Variants in SLC9B2 observed in about 807,000 individuals in gnomAD.
SLC9B2 encodes solute carrier family 9 member B2, also known as sodium/hydrogen exchanger 9B2.
Under a neutral mutation model 52.2 loss-of-function variants are expected in SLC9B2, and 39 were observed. The observed-to-expected ratio is 0.75, with a 90% CI of 0.58 to 0.98. The LOEUF (loss-of-function observed/expected upper bound fraction) is 0.98, where lower values mean the gene tolerates loss of function less well. Ranked by LOEUF, SLC9B2 falls within the 50% of genes least tolerant of loss-of-function variation. SLC9B2 has a pLI of 0.00. For missense variants in SLC9B2, 626 were observed against 637.5 expected (o/e 0.98, Z 0.19); for synonymous variants, 214 against 227.0 (o/e 0.94, Z 0.51).
At chr4:103,031,555 A>T in intron 10 of SLC9B2, 145 bp downstream of exon 10, 1 of 521,028 alleles carries the variant, frequency 1.9e-6, no homozygotes, top group Non-Finnish European at 3.4e-6. Context: ...CATCATAATT[A>T]ACTTTTTATA....
intron 3 of SLC9B2, among the ~76,000 whole-genome samples, chr4:103,065,256 G>A (rs189681681): frequency 2.6e-5 from 4 of 151,590 alleles, no homozygotes; most frequent in Admixed American, 2.6e-4. Flanking sequence ...TTGGTCACAG[G>A]ATACAAAATT....
chr4:103,019,545 C>G (rs1324902595), downstream of SLC9B2: 1 of 981,778 alleles, frequency 1.0e-6, no homozygotes, highest in Admixed American at 6.1e-5. Context: ...GCGGCAGACC[C>G]GGGACTAGCG....
In SLC9B2 at chr4:103,025,514, T is replaced by G. The variant is rs528413537; in HGVS notation, c.*856A>C. 6.6e-6 allele frequency: 1 copy of G among 152,212 alleles called. No individual in the cohort carries two copies. The highest frequency in any genetic ancestry group is 6.5e-5 in the Admixed American group (1 of 15,280). 9.4% of individuals were successfully genotyped at this position (152,212 alleles called of 1,614,324 possible). A position where few individuals can be genotyped will look rare whatever the true frequency, so the allele number is the denominator to read the frequency against. On this transcript the variant is annotated 3_prime_UTR_variant, in exon 12 of 12. Coordinates refer to ENST00000394785, the MANE Select transcript of SLC9B2 (RefSeq NM_178833.7). ...GTTTCATTAGACAGAAATAGAATTT[T>G]ATTTTCTTTTAAGCACTGTATTTTT...
rs138567331 is a variant in SLC9B2, at chr4:103,050,324, C to G, written c.501G>C (p.Gln167His). The change falls in exon 5 of 12, where the codon CAG becomes CAC. Residue 167 changes from glutamine (Q) to histidine (H), a missense_variant. Physicochemically the swap from Gln to His is conservative, Grantham distance 24 (BLOSUM62 0). Transcript: ENST00000394785. ...RNIPVINDNVQIKHKWSSSLR... is the reference protein window; with the variant it reads ...RNIPVINDNVHIKHKWSSSLR... ...AAGAGGAAGACCACTTGTGCTTGAT[C>G]TGCACATTATCGTTGATGACTGGGA... The G allele has an allele frequency of 2.9e-3, 4,735 of 1,611,052 alleles. 12 individuals are homozygous for G. The highest frequency in any genetic ancestry group is 3.6e-3 in the Non-Finnish European group (4,221 of 1,178,574).
chr4:103,031,728 A>G lies in SLC9B2; in HGVS notation c.1227T>C (p.Ser409=). 1 of 1,612,786 alleles carries G rather than the reference A, an allele frequency of 6.2e-7. No individual in the cohort carries two copies. The highest frequency in any genetic ancestry group is 1.3e-5 in the African/African-American group (1 of 74,976). ...CAGTTTCTGGTCTGAGAGATGCAAT[A>G]GATACCTCTGCTCCAATTAGTCCAA... ...LLFGLIGAEV[S]IASLRPETVG... Residue 409 remains serine, a synonymous_variant, in exon 10 of 12, where the codon TCT becomes TCC. Transcript: ENST00000394785.
intron 11 of SLC9B2, among the ~76,000 whole-genome samples, chr4:103,027,278 A>G (rs1371330938): frequency 6.6e-6 from 1 of 152,210 alleles, no homozygotes; most frequent in Non-Finnish European, 1.5e-5. Context: ...GGAATGTGGA[A>G]CTAAAAAATA....
chr4:103,020,215 A>G, downstream of SLC9B2: 1 of 365,388 alleles, frequency 2.7e-6, no homozygotes, highest in South Asian at 2.0e-5. Context: ...TACAAAGTAA[A>G]CACTTAATAT....
chr4:103,047,283 A>T (rs1744239025), intron 6 of SLC9B2, 57 bp from the exon 7 acceptor site: 3 of 1,443,068 alleles, frequency 2.1e-6, no homozygotes, highest in Non-Finnish European at 1.9e-6. Flanking sequence ...ACTATTTTGA[A>T]ATTATAATGC....
At chr4:103,071,019 A>G (rs1254722138) in intron 1 of SLC9B2, among the ~76,000 whole-genome samples, 1 of 152,164 alleles carries the variant, frequency 6.6e-6, no homozygotes, top group African/African-American at 2.4e-5. Flanking sequence ...AGAGATCAAG[A>G]ATATAAGCAG....
intron 3 of SLC9B2, among the ~76,000 whole-genome samples, chr4:103,060,519 C>A (rs1167898107): frequency 7.5e-6 from 1 of 133,698 alleles, no homozygotes; most frequent in Non-Finnish European, 1.6e-5. Flanking sequence ...TTTTTGTTTC[C>A]TTTTGCATGT....
At chr4:103,054,778 A>C (rs992634634) in intron 4 of SLC9B2, among the ~76,000 whole-genome samples, 1 of 152,216 alleles carries the variant, frequency 6.6e-6, no homozygotes, top group Non-Finnish European at 1.5e-5. Flanking sequence ...GAACACTTTT[A>C]CACTGTTGGT....
chr4:103,061,562 T>C (rs1745644018), intron 3 of SLC9B2, among the ~76,000 whole-genome samples: 1 of 152,110 alleles, frequency 6.6e-6, no homozygotes, highest in African/African-American at 2.4e-5. Flanking sequence ...TAATGTTAAA[T>C]GACGAGTTAA....
At chr4:103,049,754 G>A (rs1036598295) in intron 5 of SLC9B2, among the ~76,000 whole-genome samples, 1 of 152,202 alleles carries the variant, frequency 6.6e-6, no homozygotes, top group South Asian at 2.1e-4. Flanking sequence ...GCTCATGCCT[G>A]TAATCCTAGC....
intron 4 of SLC9B2, among the ~76,000 whole-genome samples, chr4:103,056,021 G>A (rs1471256397): frequency 1.3e-5 from 2 of 151,922 alleles, no homozygotes; most frequent in South Asian, 2.1e-4. Context: ...AGCCAGGATG[G>A]TCTCAATCTC....
At chr4:103,021,056 G>C (rs1467662686), downstream of SLC9B2, among the ~76,000 whole-genome samples, 1 of 152,148 alleles carries the variant, frequency 6.6e-6, no homozygotes, top group Non-Finnish European at 1.5e-5. Context: ...GAAATGTTTT[G>C]TACTCATGAA....
downstream of SLC9B2, chr4:103,019,504 C>G (rs180998786): frequency 1.3e-4 from 107 of 848,088 alleles, no homozygotes; most frequent in African/African-American, 1.3e-3. Context: ...GGAGGAAAGG[C>G]CCTCCTGCGG....
At chr4:103,052,526 C>T (rs999933422) in intron 4 of SLC9B2, among the ~76,000 whole-genome samples, 3 of 152,076 alleles carry the variant, frequency 2.0e-5, no homozygotes, top group African/African-American at 7.2e-5. Context: ...AGCTTAACAG[C>T]CAAAAATACT....
At chr4:103,032,043 A>G (rs1275146754) in intron 9 of SLC9B2, among the ~76,000 whole-genome samples, 1 of 152,186 alleles carries the variant, frequency 6.6e-6, no homozygotes, top group Non-Finnish European at 1.5e-5. Context: ...ATGGATATTA[A>G]TAAAAAGATT....
At chr4:103,057,054 T>C (rs1263942808) in intron 4 of SLC9B2, among the ~76,000 whole-genome samples, 1 of 152,088 alleles carries the variant, frequency 6.6e-6, no homozygotes, top group Non-Finnish European at 1.5e-5. Context: ...TACAGATACT[T>C]CTACCATGGC....
Sources: allele counts gnomAD v4.1 joint callset (sites outside exome capture counted in the v4.1 genomes callset), GRCh38; gene constraint gnomAD v4.1.1; transcripts MANE v1.5; gene names NCBI Gene and HGNC (gene_info 2026-07-23, HGNC 2026-07-21).